PLCG2: variants seen among roughly 807,000 people sequenced by gnomAD.
PLCG2 encodes the protein phospholipase C gamma 2.
In PLCG2, 69 loss-of-function variants were observed where a neutral mutation model predicts 175.6. That is an observed-to-expected ratio of 0.39 (90% CI 0.32 to 0.48). The LOEUF (loss-of-function observed/expected upper bound fraction) is 0.48. PLCG2 is among the 20% of genes least tolerant of loss of function. The probability of loss-of-function intolerance (pLI) is 0.91; values close to 1 mark genes in which losing one functional copy is unlikely to be tolerated. For synonymous variants in PLCG2, 827 were observed against 624.0 expected, an observed-to-expected ratio of 1.33 and a Z score of -4.85; for missense variants, 1,798 against 1,650.9, an observed-to-expected ratio of 1.09 and a Z score of -1.54.
chr16:81,918,344 A>G (rs1460909976), intron 19 of PLCG2, among the ~76,000 whole-genome samples: 1 of 152,170 alleles, frequency 6.6e-6, no homozygotes, highest in Non-Finnish European at 1.5e-5. Context: ...CTTATGTTTA[A>G]GTCTTTAATC....
chr16:81,747,561 G>C lies in PLCG2; in HGVS notation c.-145+8176G>C, dbSNP rs572472203. Among the ~76,000 whole-genome samples, 4 of 152,106 alleles carry C rather than the reference G, an allele frequency of 2.6e-5. No individual in the cohort carries two copies. The East Asian group carries it at 7.7e-4, about 29-fold the overall frequency. ...AATAATAATAATATTATTAATGGTA[G>C]TATTGTTTTTTAAATAAATGATTGG... On this transcript the variant is annotated intron_variant, in intron 1 of 5. Coordinates refer to the PLCG2 transcript ENST00000565054.
chr16:81,772,234 C>G (rs1245019261), intron 2 of PLCG2, among the ~76,000 whole-genome samples: 1 of 152,050 alleles, frequency 6.6e-6, no homozygotes, highest in Non-Finnish European at 1.5e-5. Context: ...CATGAGAAGA[C>G]AGAGGCAGAG....
At chr16:81,814,381 G>A (rs1904445456) in intron 2 of PLCG2, among the ~76,000 whole-genome samples, 1 of 152,074 alleles carries the variant, frequency 6.6e-6, no homozygotes, top group Non-Finnish European at 1.5e-5. Context: ...GTGGGGTGTA[G>A]CCGGGATTGG....
intron 1 of PLCG2, among the ~76,000 whole-genome samples, chr16:81,785,413 C>T (rs1179394579): frequency 2.0e-5 from 3 of 152,172 alleles, no homozygotes; most frequent in African/African-American, 7.2e-5. Context: ...TCCTGCCTTT[C>T]ATCCTCATTT....
chr16:81,820,979 AC>A (rs1190458803), intron 2 of PLCG2, among the ~76,000 whole-genome samples: 2 of 138,846 alleles, frequency 1.4e-5, no homozygotes, highest in Non-Finnish European at 3.1e-5. Flanking sequence ...CTGGTCTAGA[AC>A]TCCTGACGTC....
intron 27 of PLCG2, 26 bp downstream of exon 27, chr16:81,936,404 G>A (rs763767323): frequency 2.5e-6 from 4 of 1,596,140 alleles, no homozygotes; most frequent in East Asian, 2.2e-5. Context: ...AGGTAGTCCC[G>A]TCCCTGCAAG....
intron 11 of PLCG2, among the ~76,000 whole-genome samples, 172 bp downstream of exon 11, chr16:81,891,762 C>T (rs1466007095): frequency 2.6e-5 from 4 of 152,200 alleles, no homozygotes; most frequent in Non-Finnish European, 4.4e-5. Flanking sequence ...TGGGAACACA[C>T]TTCCCTTTGT....
chr16:81,764,747 T>C (rs187767738), intron 2 of PLCG2, among the ~76,000 whole-genome samples: 1 of 152,332 alleles, frequency 6.6e-6, no homozygotes, highest in Admixed American at 6.5e-5. Flanking sequence ...AGAGGGTCTT[T>C]GCAGATGTAA....
At chr16:81,898,009 C>T in intron 13 of PLCG2, 3 of 369,854 alleles carry the variant, frequency 8.1e-6, no homozygotes, top group South Asian at 5.9e-5. Context: ...GGGTCCTAGC[C>T]CTTCTAAGTG....
At chr16:81,796,857 G>A (rs931035340) in intron 2 of PLCG2, among the ~76,000 whole-genome samples, 1 of 152,212 alleles carries the variant, frequency 6.6e-6, no homozygotes, top group African/African-American at 2.4e-5. Context: ...ACAAACTTCT[G>A]TTGTTTCGGC....
At chr16:81,792,480 CAAAAAAAAAAAAAAA>C (rs532680550) in intron 2 of PLCG2, among the ~76,000 whole-genome samples, 2 of 70,162 alleles carry the variant, frequency 2.9e-5, no homozygotes, top group African/African-American at 1.3e-4. Context: ...GGCTCTGTCT[CAAAAAAAAAAAAAAA>C]AAAAAAAAAA....
At chr16:81,863,253 C>G (rs916841255) in intron 5 of PLCG2, among the ~76,000 whole-genome samples, 10 of 152,252 alleles carry the variant, frequency 6.6e-5, no homozygotes, top group African/African-American at 2.4e-4. Flanking sequence ...GTCTGTCTCT[C>G]TGGATTGGAT....
At chr16:81,928,411 C>G (rs1910366012) in intron 23 of PLCG2, 147 bp from the exon 24 acceptor site, 4 of 606,610 alleles carry the variant, frequency 6.6e-6, no homozygotes, top group Admixed American at 4.8e-5. Flanking sequence ...TTATTTAGCT[C>G]TCTCCCCATG....
chr16:81,904,489 C>G (rs1909279693), intron 14 of PLCG2, among the ~76,000 whole-genome samples: 1 of 152,210 alleles, frequency 6.6e-6, no homozygotes, highest in African/African-American at 2.4e-5. Flanking sequence ...AGTGCAGCCA[C>G]TTGCCCGGGG....
chr16:81,942,781 C>T (rs572981742), intron 30 of PLCG2, among the ~76,000 whole-genome samples: 13 of 152,272 alleles, frequency 8.5e-5, no homozygotes, highest in Admixed American at 3.9e-4. Context: ...TAATTAATTT[C>T]GAACCCCGTG....
At chr16:81,807,999 C>A (rs1904289629) in intron 2 of PLCG2, among the ~76,000 whole-genome samples, 1 of 152,250 alleles carries the variant, frequency 6.6e-6, no homozygotes, top group Non-Finnish European at 1.5e-5. Flanking sequence ...ACCTCCAGTA[C>A]TGAGGGTTAC....
chr16:81,749,799 TA>T (rs1909770398), intron 1 of PLCG2, among the ~76,000 whole-genome samples: 1 of 152,226 alleles, frequency 6.6e-6, no homozygotes, highest in African/African-American at 2.4e-5. Context: ...CCTGTGGATA[TA>T]CTCACCCCAC....
Position 81,937,797 on chromosome 16 carries a change from A to G in PLCG2, c.3092A>G (p.Asn1031Ser), listed in dbSNP as rs747605077. 11 of 1,614,044 alleles carry G rather than the reference A, an allele frequency of 6.8e-6. No homozygotes were observed. The highest frequency in any genetic ancestry group is 1.1e-5 in the South Asian group (1 of 91,066). ...ATGAATCACGCATTGTTTTCTCTCA[A>G]TGGGCGCACGGGCTACGTTCTGCAG... ...MQMNHALFSL[N>S]GRTGYVLQPE... The change falls in exon 28 of 33, where the codon AAT becomes AGT. Residue 1031 changes from asparagine to serine, a missense_variant. Physicochemically the swap from Asn to Ser is conservative, Grantham distance 46. Transcript: ENST00000564138.
chr16:81,912,625 G>C lies in PLCG2; in HGVS notation c.1963G>C (p.Glu655Gln). ...PWYYDSLSRG[E>Q]AEDMLMRIPR... ...GTACTATGACAGCCTGAGCCGCGGA[G>C]AGGCAGAGGACATGCTGATGAGGAT... The change falls in exon 19 of 33, where the codon GAG becomes CAG. Residue 655 changes from glutamate to glutamine, a missense_variant. Transcript: ENST00000564138. 6.2e-7 allele frequency: 1 copy of C among 1,613,396 alleles called. No individual in the cohort carries two copies. Among genetic ancestry groups the C allele is most frequent in the South Asian group, 1.1e-5 (1 of 90,728 alleles).
Sources: gnomAD v4.1 joint callset for allele counts (sites outside exome capture counted in the v4.1 genomes callset) on GRCh38, gnomAD v4.1.1 for gene constraint, MANE v1.5 for transcripts, NCBI Gene and HGNC (gene_info 2026-07-23, HGNC 2026-07-21) for gene names.